Variants in TNFSF4 observed in about 807,000 individuals in gnomAD.
TNFSF4 encodes TNF superfamily member 4, also known as tumor necrosis factor ligand superfamily member 4.
A neutral mutation model predicts 7.3 loss-of-function variants in TNFSF4; 4 were observed. That is an observed-to-expected ratio of 0.55 (90% CI 0.27 to 1.25). The LOEUF (loss-of-function observed/expected upper bound fraction) is 1.25, where lower values mean the gene tolerates loss of function less well. Ranked by LOEUF, TNFSF4 falls within the 50% of genes most tolerant of loss-of-function variation. The pLI is 0.12. For synonymous variants in TNFSF4, 76 were observed against 83.7 expected (o/e 0.91, Z 0.50); for missense variants, 181 against 208.8 (o/e 0.87, Z 0.82).
chr1:173,191,365 A>G (rs1484785586), intron 1 of TNFSF4, among the ~76,000 whole-genome samples: 1 of 152,202 alleles, frequency 6.6e-6, no homozygotes. Context: ...GCATATCCTC[A>G]GAAGTCTCTT....
the TNFSF4 span, among the ~76,000 whole-genome samples, chr1:173,397,472 A>C: frequency 6.6e-6 from 1 of 152,144 alleles, no homozygotes; most frequent in Non-Finnish European, 1.5e-5. Flanking sequence ...GGTGACCCAA[A>C]ATGTCACTGT....
chr1:173,359,668 T>A, the TNFSF4 span, among the ~76,000 whole-genome samples: 1 of 152,208 alleles, frequency 6.6e-6, no homozygotes, highest in African/African-American at 2.4e-5. Flanking sequence ...TCATGTTTAT[T>A]TTCCTTCATG....
At chr1:173,254,369 A>G in the TNFSF4 span, among the ~76,000 whole-genome samples, 4,032 of 152,296 alleles carry the variant, frequency 0.026, 169 homozygotes, top group African/African-American at 0.092. Context: ...AAAATGGCTG[A>G]TTATTAATAT....
At chr1:173,346,175 C>G in the TNFSF4 span, among the ~76,000 whole-genome samples, 1 of 152,286 alleles carries the variant, frequency 6.6e-6, no homozygotes, top group East Asian at 1.9e-4. Flanking sequence ...ACCCTCAACT[C>G]TGCACTGCTT....
At chr1:173,204,035 T>C (rs1192565791) in intron 1 of TNFSF4, among the ~76,000 whole-genome samples, 2 of 152,232 alleles carry the variant, frequency 1.3e-5, no homozygotes, top group African/African-American at 2.4e-5. Context: ...CTAAACAGTG[T>C]GTTTTGCTAA....
downstream of TNFSF4, among the ~76,000 whole-genome samples, chr1:173,183,546 A>T (rs905419553): frequency 3.3e-5 from 5 of 152,216 alleles, no homozygotes; most frequent in Non-Finnish European, 7.3e-5. Context: ...ACCTCCAGTG[A>T]GCATCTTTTC....
At chr1:173,174,425 AC>A in the TNFSF4 span, 1 of 152,154 alleles carries the variant, frequency 6.6e-6, no homozygotes, top group Non-Finnish European at 1.5e-5. Context: ...GTACCAGTTT[AC>A]TGTATTAGTC....
At chr1:173,416,216 A>T in the TNFSF4 span, among the ~76,000 whole-genome samples, 1 of 152,174 alleles carries the variant, frequency 6.6e-6, no homozygotes, top group Non-Finnish European at 1.5e-5. Context: ...CAGTGGCAGC[A>T]GCTGGGCTGT....
chr1:173,260,821 G>A, the TNFSF4 span, among the ~76,000 whole-genome samples: 4 of 152,196 alleles, frequency 2.6e-5, no homozygotes, highest in Non-Finnish European at 5.9e-5. Flanking sequence ...AAATATAGGA[G>A]CACCCAGATT....
chr1:173,262,608 T>TC, the TNFSF4 span, among the ~76,000 whole-genome samples: 1 of 145,278 alleles, frequency 6.9e-6, no homozygotes, highest in African/African-American at 2.5e-5. Context: ...CTTTTTTTTT[T>TC]TTTTTTTTTT....
the TNFSF4 span, among the ~76,000 whole-genome samples, chr1:173,407,559 CAAAAAAAAAAA>C: frequency 0.033 from 2,409 of 72,186 alleles, 37 homozygotes; most frequent in Middle Eastern, 0.11. Flanking sequence ...GACTCTGCCT[CAAAAAAAAAAA>C]AAAAAAAAAA....
chr1:173,247,328 C>T, the TNFSF4 span, among the ~76,000 whole-genome samples: 1 of 152,256 alleles, frequency 6.6e-6, no homozygotes, highest in South Asian at 2.1e-4. Context: ...TTCCTCCAAA[C>T]CTGTGGCTCC....
intron 2 of TNFSF4, among the ~76,000 whole-genome samples, chr1:173,188,104 T>G (rs1409548545): frequency 6.6e-6 from 1 of 152,216 alleles, no homozygotes; most frequent in Admixed American, 6.5e-5. Flanking sequence ...AAGTTTTTAT[T>G]CTATCAAGGG....
chr1:173,245,413 G>T, the TNFSF4 span, among the ~76,000 whole-genome samples: 1 of 152,112 alleles, frequency 6.6e-6, no homozygotes, highest in Non-Finnish European at 1.5e-5. Context: ...GTTACTACAA[G>T]CAAAATGACA....
chr1:173,359,460 AAAAAAGAAAAGAAAAAAG>A, the TNFSF4 span, among the ~76,000 whole-genome samples: 1 of 79,910 alleles, frequency 1.3e-5, no homozygotes, highest in Non-Finnish European at 2.7e-5. Context: ...TTTAAAAAAA[AAAAAAGAAAAGAAAAAAG>A]AAAAATTCAA....
the TNFSF4 span, among the ~76,000 whole-genome samples, chr1:173,380,717 G>A: frequency 2.0e-5 from 3 of 151,950 alleles, no homozygotes; most frequent in South Asian, 2.1e-4. Flanking sequence ...TTTCTCCAAC[G>A]GGAAAACAGA....
At chr1:173,243,003 GT>G in the TNFSF4 span, among the ~76,000 whole-genome samples, 97 of 64,650 alleles carry the variant, frequency 1.5e-3, 5 homozygotes, top group African/African-American at 3.6e-3. Flanking sequence ...AAGTTGGTGG[GT>G]GGGGGGGGGG....
chr1:173,246,484 G>A, the TNFSF4 span, among the ~76,000 whole-genome samples: 3 of 152,078 alleles, frequency 2.0e-5, no homozygotes, highest in Non-Finnish European at 4.4e-5. Context: ...ATTTACCATA[G>A]CAAAGACTTG....
the TNFSF4 span, among the ~76,000 whole-genome samples, chr1:173,258,916 C>T: frequency 6.6e-6 from 1 of 152,144 alleles, no homozygotes; most frequent in African/African-American, 2.4e-5. Flanking sequence ...ATTCAGCAGT[C>T]TTAGTGTTTC....
Sources: allele counts gnomAD v4.1 joint callset (sites outside exome capture counted in the v4.1 genomes callset), GRCh38; gene constraint gnomAD v4.1.1; transcripts MANE v1.5; gene names NCBI Gene and HGNC (gene_info 2026-07-23, HGNC 2026-07-21).